Variants in CSNK1G3 observed in about 807,000 individuals in gnomAD.
The protein encoded by CSNK1G3 is casein kinase I isoform gamma-3.
A neutral mutation model predicts 64.3 loss-of-function variants in CSNK1G3; 23 were observed. The observed-to-expected ratio is 0.36, with a 90% confidence interval of 0.26 to 0.51. The LOEUF is 0.51. Among genes scored for constraint, CSNK1G3 ranks in the 20% least tolerant of loss-of-function variants. The pLI is 0.96. For missense variants in CSNK1G3, 357 were observed against 510.5 expected (o/e 0.70, Z 2.90); for synonymous variants, 158 against 162.2 (o/e 0.97, Z 0.20).
intron 3 of CSNK1G3, among the ~76,000 whole-genome samples, chr5:123,555,472 A>T (rs1398053360): frequency 2.0e-5 from 3 of 152,204 alleles, no homozygotes; most frequent in Middle Eastern, 3.2e-3. Context: ...TCTGGCTTTT[A>T]TACTTTGCTC....
chr5:123,590,591 A>T (rs752878261), intron 9 of CSNK1G3, 33 bp downstream of exon 9: 2 of 1,311,708 alleles, frequency 1.5e-6, no homozygotes, highest in African/African-American at 1.5e-5. Context: ...TATTACTTAC[A>T]GTATCTGTTG....
chr5:123,573,399 T>C, exon 5 of CSNK1G3: 1 of 1,613,770 alleles, frequency 6.2e-7, no homozygotes, highest in Non-Finnish European at 8.5e-7. Flanking sequence ...CCAGATGGTA[T>C]ACCTCAAGTT....
At chr5:123,583,527 A>AT (rs1466030862) in intron 6 of CSNK1G3, among the ~76,000 whole-genome samples, 3 of 85,492 alleles carry the variant, frequency 3.5e-5, no homozygotes, top group Non-Finnish European at 2.8e-5. Flanking sequence ...TGCCCAGCTA[A>AT]TTTTTTTTGT....
At chr5:123,597,702 CAG>C (rs1401171590) in intron 10 of CSNK1G3, among the ~76,000 whole-genome samples, 4 of 152,046 alleles carry the variant, frequency 2.6e-5, no homozygotes, top group Non-Finnish European at 4.4e-5. Context: ...GCAGACCAGA[CAG>C]AGTTACCAAG....
chr5:123,595,018 T>C (rs1793158985), intron 10 of CSNK1G3, 21 bp from the exon 11 acceptor site: 1 of 1,603,832 alleles, frequency 6.2e-7, no homozygotes, highest in African/African-American at 1.3e-5. Flanking sequence ...ATGCATGCCA[T>C]ATGCATTAAA....
intron 12 of CSNK1G3, among the ~76,000 whole-genome samples, chr5:123,610,831 A>T (rs1211952442): frequency 6.6e-6 from 1 of 152,064 alleles, no homozygotes; most frequent in African/African-American, 2.4e-5. Flanking sequence ...ATGAAAAAAA[A>T]ATTTACCAGC....
Position 123,588,407 on chromosome 5 carries a change from A to T in CSNK1G3, c.760-20A>T, listed in dbSNP as rs758157687. 8.0e-6 allele frequency: 12 copies of T among 1,506,600 alleles called. No homozygotes were observed. Among genetic ancestry groups the T allele is most frequent in the Non-Finnish European group, 1.0e-5 (11 of 1,090,980 alleles). The allele number at this position is 1,506,600 out of a possible 1,614,324, so 93.3% of individuals were successfully genotyped here. ...ATTTTTAAATTACCACATTCTCAAG[A>T]TTTTTTTTTTCTGTTTTAGGCTGAC... On this transcript the variant is annotated intron_variant, in intron 7 of 12. Transcript: ENST00000345990.
chr5:123,557,035 A>G (rs1264422561), intron 3 of CSNK1G3, among the ~76,000 whole-genome samples: 2 of 152,086 alleles, frequency 1.3e-5, no homozygotes, highest in Non-Finnish European at 2.9e-5. Flanking sequence ...CATATAAGTT[A>G]TACTTTAGTG....
intron 6 of CSNK1G3, among the ~76,000 whole-genome samples, chr5:123,584,063 C>A (rs1157902480): frequency 6.6e-6 from 1 of 151,992 alleles, no homozygotes; most frequent in East Asian, 1.9e-4. Context: ...TTGTAATAGA[C>A]CTTTTGTAGG....
At chr5:123,556,121 C>T (rs980669053) in intron 3 of CSNK1G3, among the ~76,000 whole-genome samples, 1 of 152,074 alleles carries the variant, frequency 6.6e-6, no homozygotes, top group Non-Finnish European at 1.5e-5. Context: ...CTCTTAACTA[C>T]TGTACTATCC....
chr5:123,600,228 A>G (rs1794208792), intron 10 of CSNK1G3, among the ~76,000 whole-genome samples: 1 of 152,198 alleles, frequency 6.6e-6, no homozygotes, highest in African/African-American at 2.4e-5. Flanking sequence ...TAGTATTTCT[A>G]ATACATTATT....
intron 1 of CSNK1G3, among the ~76,000 whole-genome samples, chr5:123,539,988 GT>G (rs1418492192): frequency 2.0e-5 from 3 of 151,702 alleles, no homozygotes; most frequent in African/African-American, 7.3e-5. Flanking sequence ...TTCTTTCATT[GT>G]TCTTATTGGT....
intron 10 of CSNK1G3, among the ~76,000 whole-genome samples, chr5:123,597,173 A>G (rs1793596675): frequency 1.3e-5 from 2 of 152,144 alleles, no homozygotes; most frequent in Admixed American, 1.3e-4. Context: ...AAAACTTTTC[A>G]GTAATACAAA....
intron 4 of CSNK1G3, among the ~76,000 whole-genome samples, chr5:123,570,323 A>G (rs1329742553): frequency 6.6e-6 from 1 of 151,510 alleles, no homozygotes; most frequent in Non-Finnish European, 1.5e-5. Context: ...AGAAGGAAGT[A>G]GAGAACGTTT....
At chr5:123,561,804 T>C (rs1785779785) in intron 4 of CSNK1G3, among the ~76,000 whole-genome samples, 1 of 152,160 alleles carries the variant, frequency 6.6e-6, no homozygotes, top group African/African-American at 2.4e-5. Context: ...ACCTTCCTGC[T>C]TGATCTTCTG....
intron 10 of CSNK1G3, among the ~76,000 whole-genome samples, chr5:123,599,109 A>G (rs1012243685): frequency 1.3e-5 from 2 of 152,228 alleles, no homozygotes; most frequent in Non-Finnish European, 2.9e-5. Context: ...TTTTCACTGT[A>G]GCACAAATCC....
At chr5:123,607,703 A>C (rs2151195154) in intron 12 of CSNK1G3, among the ~76,000 whole-genome samples, 1 of 152,320 alleles carries the variant, frequency 6.6e-6, no homozygotes, top group East Asian at 1.9e-4. Flanking sequence ...ATATTTTGAA[A>C]GGATAAAGTT....
intron 6 of CSNK1G3, among the ~76,000 whole-genome samples, chr5:123,583,846 C>A (rs980510051): frequency 2.6e-5 from 4 of 151,864 alleles, no homozygotes; most frequent in African/African-American, 9.7e-5. Flanking sequence ...CACCCAGCCA[C>A]CAGCTAATTA....
At chr5:123,590,382 G>C in intron 8 of CSNK1G3, 28 bp from the exon 9 acceptor site, 1 of 1,196,008 alleles carries the variant, frequency 8.4e-7, no homozygotes. Flanking sequence ...GAAAAGTATA[G>C]TCCAAATAAT....
Sources: allele counts gnomAD v4.1 joint callset (sites outside exome capture counted in the v4.1 genomes callset), GRCh38; gene constraint gnomAD v4.1.1; transcripts MANE v1.5; gene names NCBI Gene and HGNC (gene_info 2026-07-23, HGNC 2026-07-21).